The following ENTHD1 variants were observed in gnomAD, a reference collection of about 807,000 sequenced individuals.
ENTHD1 encodes ENTH domain-containing protein 1.
Under a neutral mutation model 39.1 loss-of-function variants are expected in ENTHD1, and 23 were observed. That is an observed-to-expected ratio of 0.59 (90% confidence interval 0.42 to 0.83). ENTHD1 has a LOEUF of 0.83. Ranked by LOEUF, ENTHD1 falls within the 40% of genes least tolerant of loss-of-function variation. The pLI is 0.00. For synonymous variants in ENTHD1, 230 were observed against 258.2 expected, an observed-to-expected ratio of 0.89 and a Z score of 1.05; for missense variants, 624 against 705.4, an observed-to-expected ratio of 0.88 and a Z score of 1.31.
At chr22:39,790,737 T>C (rs1016999854) in intron 5 of ENTHD1, among the ~76,000 whole-genome samples, 1 of 152,204 alleles carries the variant, frequency 6.6e-6, no homozygotes, top group Non-Finnish European at 1.5e-5. Flanking sequence ...AGTTAGGCAC[T>C]AGTTCTTGGT....
chr22:39,850,902 C>G (rs1569167091), intron 3 of ENTHD1, among the ~76,000 whole-genome samples: 2 of 152,186 alleles, frequency 1.3e-5, no homozygotes, highest in Non-Finnish European at 2.9e-5. Flanking sequence ...GTTTATTATA[C>G]ATACGTATCT....
chr22:39,798,804 A>G (rs2065573843), intron 5 of ENTHD1, among the ~76,000 whole-genome samples: 1 of 152,134 alleles, frequency 6.6e-6, no homozygotes, highest in Non-Finnish European at 1.5e-5. Flanking sequence ...GCAGTGTGTG[A>G]TGGCAGTAGC....
At chr22:39,758,887 T>G (rs1285945000) in intron 6 of ENTHD1, among the ~76,000 whole-genome samples, 1 of 152,224 alleles carries the variant, frequency 6.6e-6, no homozygotes, top group African/African-American at 2.4e-5. Context: ...TCCATCTGAT[T>G]CTGTTAATAT....
At position 39,743,968 on chromosome 22, in the gene ENTHD1, T is replaced by A; in HGVS notation, c.1535A>T (p.His512Leu). The change falls in exon 7 of 7, where the codon CAC becomes CTC. Residue 512 changes from histidine to leucine, a missense_variant. Physicochemically the swap from His to Leu is moderately conservative, Grantham distance 99. Transcript: ENST00000325157. ...KKNISHISSSHWGEFSTQNVD... is the reference protein window; with the variant it reads ...KKNISHISSSLWGEFSTQNVD... ...ATTTTGGGTGGAAAACTCCCCCCAGTGACTACTAGAAATGTGACTTATATT... is the reference window on the plus strand; with the variant it reads ...ATTTTGGGTGGAAAACTCCCCCCAGAGACTACTAGAAATGTGACTTATATT... 1 of 1,614,148 alleles carries A rather than the reference T, an allele frequency of 6.2e-7. No individual in the cohort carries two copies. Among genetic ancestry groups the A allele is most frequent in the Non-Finnish European group, 8.5e-7 (1 of 1,180,008 alleles).
intron 5 of ENTHD1, among the ~76,000 whole-genome samples, chr22:39,815,214 G>A (rs2065723951): frequency 6.6e-6 from 1 of 152,146 alleles, no homozygotes; most frequent in Non-Finnish European, 1.5e-5. Context: ...CAGCTGAGGT[G>A]GGTGGATCAC....
rs1246709711 is a variant in ENTHD1 at position 39,751,286 on chromosome 22, AC to A, written c.1220-7004del. ...AAGGCTGTTGACCAAGGTATCAGCA[AC>A]AAAAGCTGTGTCTACACTTAGAAGG... On this transcript the variant is annotated intron_variant, in intron 6 of 6. Coordinates refer to ENST00000325157, the MANE Select transcript of ENTHD1 (RefSeq NM_152512.4). 1.3e-5 allele frequency: 2 copies of A among 154,288 alleles called. 1 individual carries two copies. Among genetic ancestry groups the A allele is most frequent in the African/African-American group, 4.8e-5 (2 of 41,468 alleles). 9.6% of individuals were successfully genotyped at this position (154,288 alleles called of 1,614,324 possible). A position where few individuals can be genotyped will look rare whatever the true frequency, so the allele number is the denominator to read the frequency against.
chr22:39,847,583 G>A (rs549074929), intron 3 of ENTHD1, among the ~76,000 whole-genome samples: 21 of 151,582 alleles, frequency 1.4e-4, no homozygotes, highest in African/African-American at 4.8e-4. Flanking sequence ...AAAAAGACAG[G>A]GTCTTGCTGT....
intron 5 of ENTHD1, among the ~76,000 whole-genome samples, chr22:39,771,578 T>G (rs2065324913): frequency 6.6e-6 from 1 of 152,018 alleles, no homozygotes; most frequent in Non-Finnish European, 1.5e-5. Flanking sequence ...AATGAAAATC[T>G]TGAAAGTACC....
At chr22:39,861,656 G>A (rs912278040) in intron 3 of ENTHD1, 109 bp downstream of exon 3, 35 of 922,180 alleles carry the variant, frequency 3.8e-5, no homozygotes, top group Admixed American at 4.0e-5. Context: ...TATGGTAATA[G>A]TAATACTAAA....
At chr22:39,849,792 T>C (rs999607507) in intron 3 of ENTHD1, among the ~76,000 whole-genome samples, 3 of 152,224 alleles carry the variant, frequency 2.0e-5, no homozygotes, top group Non-Finnish European at 4.4e-5. Flanking sequence ...TGTAGATCTT[T>C]CGAAGTTTTC....
intron 3 of ENTHD1, among the ~76,000 whole-genome samples, chr22:39,853,537 A>C (rs777170504): frequency 1.3e-5 from 2 of 152,026 alleles, no homozygotes; most frequent in Non-Finnish European, 2.9e-5. Context: ...TCTCAAAACA[A>C]ACAACAACAA....
chr22:39,864,892 AAAAAC>A (rs1335539072), intron 2 of ENTHD1, among the ~76,000 whole-genome samples: 3 of 152,182 alleles, frequency 2.0e-5, no homozygotes, highest in African/African-American at 7.2e-5. Flanking sequence ...ACTCAGTTTC[AAAAAC>A]AAAACAAAAA....
At chr22:39,775,520 A>T (rs2065359119) in intron 5 of ENTHD1, among the ~76,000 whole-genome samples, 1 of 152,222 alleles carries the variant, frequency 6.6e-6, no homozygotes, top group Non-Finnish European at 1.5e-5. Context: ...CAAATCCCAA[A>T]TCAATGTTAT....
chr22:39,783,058 CTTA>C (rs1404686261), intron 5 of ENTHD1, among the ~76,000 whole-genome samples: 26 of 152,116 alleles, frequency 1.7e-4, no homozygotes, highest in Non-Finnish European at 3.7e-4. Flanking sequence ...ATTGTTAGAA[CTTA>C]TTAACAAATT....
At chr22:39,810,687 T>G (rs2065678735) in intron 5 of ENTHD1, among the ~76,000 whole-genome samples, 1 of 152,206 alleles carries the variant, frequency 6.6e-6, no homozygotes, top group Non-Finnish European at 1.5e-5. Flanking sequence ...TGACGGTAGA[T>G]TATTGCAAAT....
At chr22:39,857,027 A>C (rs530693447) in intron 3 of ENTHD1, among the ~76,000 whole-genome samples, 3 of 152,302 alleles carry the variant, frequency 2.0e-5, no homozygotes, top group East Asian at 3.9e-4. Context: ...AAAAATAATA[A>C]ATTGTAGCAA....
chr22:39,845,895 G>T, intron 3 of ENTHD1, among the ~76,000 whole-genome samples: 1 of 150,018 alleles, frequency 6.7e-6, no homozygotes, highest in Non-Finnish European at 1.5e-5. Context: ...ACTTTTACAT[G>T]GTGTTTTTTT....
intron 5 of ENTHD1, among the ~76,000 whole-genome samples, chr22:39,800,936 CTGTT>C (rs1186358675): frequency 1.3e-5 from 2 of 152,164 alleles, no homozygotes; most frequent in African/African-American, 4.8e-5. Flanking sequence ...CCATTAAAGG[CTGTT>C]TGAAGAGGAA....
chr22:39,838,277 T>C (rs192791785), intron 3 of ENTHD1, among the ~76,000 whole-genome samples: 1 of 152,312 alleles, frequency 6.6e-6, no homozygotes, highest in Non-Finnish European at 1.5e-5. Context: ...TCCTTATGAC[T>C]GTTTAACAAG....
Sources: allele counts gnomAD v4.1 joint callset (sites outside exome capture counted in the v4.1 genomes callset), GRCh38; gene constraint gnomAD v4.1.1; transcripts MANE v1.5; gene names NCBI Gene and HGNC (gene_info 2026-07-23, HGNC 2026-07-21).